GPM6A: variants seen among roughly 807,000 people sequenced by gnomAD.
The protein encoded by GPM6A is neuronal membrane glycoprotein M6-a.
GPM6A carries 7 observed loss-of-function variants against 32.1 expected under a neutral mutation model. The ratio of observed to expected loss-of-function variants is 0.22; its 90% confidence interval spans 0.12 to 0.41. The LOEUF (loss-of-function observed/expected upper bound fraction) is 0.41, where lower values mean the gene tolerates loss of function less well. GPM6A is among the 10% of genes least tolerant of loss of function. The pLI is 1.00. For synonymous variants in GPM6A, 130 were observed against 123.4 expected (o/e 1.05, Z -0.35); for missense variants, 235 against 347.2 (o/e 0.68, Z 2.57).
chr4:175,799,957 C>T (rs1284778017), intron 1 of GPM6A, among the ~76,000 whole-genome samples: 1 of 151,802 alleles, frequency 6.6e-6, no homozygotes, highest in Non-Finnish European at 1.5e-5. Flanking sequence ...GATAAGGATA[C>T]AATTCAGATA....
At chr4:175,812,693 G>A (rs774743748), upstream of GPM6A, 15 of 985,590 alleles carry the variant, frequency 1.5e-5, no homozygotes, top group South Asian at 4.2e-4. Flanking sequence ...CAGATGGAGG[G>A]GTGTCCTCCT....
At chr4:175,725,556 T>C (rs1333173849) in intron 1 of GPM6A, among the ~76,000 whole-genome samples, 1 of 152,162 alleles carries the variant, frequency 6.6e-6, no homozygotes, top group Non-Finnish European at 1.5e-5. Flanking sequence ...CCACCCAAAG[T>C]GCTGAGATTA....
chr4:175,644,210 G>A (rs111745859), intron 4 of GPM6A, among the ~76,000 whole-genome samples: 3 of 134,930 alleles, frequency 2.2e-5, no homozygotes, highest in East Asian at 5.1e-4. Context: ...TGCAAGCTCC[G>A]CTTCCCGGGT....
chr4:175,956,180 T>C (rs1402615580), intron 1 of GPM6A, among the ~76,000 whole-genome samples: 1 of 152,178 alleles, frequency 6.6e-6, no homozygotes, highest in Admixed American at 6.5e-5. Context: ...ATTCCTGTTC[T>C]AGAGGAGCCA....
chr4:175,784,946 G>C (rs566413555), intron 1 of GPM6A, among the ~76,000 whole-genome samples: 1 of 152,204 alleles, frequency 6.6e-6, no homozygotes, highest in East Asian at 1.9e-4. Context: ...ACCTACATTT[G>C]GTAATAGTCA....
At chr4:175,679,280 C>T (rs1743551131) in intron 2 of GPM6A, among the ~76,000 whole-genome samples, 1 of 152,074 alleles carries the variant, frequency 6.6e-6, no homozygotes, top group South Asian at 2.1e-4. Context: ...TCTGATGTTT[C>T]CTCATGGTTA....
intron 1 of GPM6A, among the ~76,000 whole-genome samples, chr4:175,791,254 T>G (rs1734003479): frequency 6.6e-6 from 1 of 152,188 alleles, no homozygotes; most frequent in African/African-American, 2.4e-5. Flanking sequence ...AAGATATTCT[T>G]GTTCTAGCAA....
At chr4:175,863,990 G>A (rs967480941) in intron 1 of GPM6A, among the ~76,000 whole-genome samples, 1 of 151,574 alleles carries the variant, frequency 6.6e-6, no homozygotes, top group Admixed American at 6.6e-5. Flanking sequence ...AACAGAGAGA[G>A]ACCCTGTCTC....
chr4:175,939,862 A>G (rs974691747), intron 1 of GPM6A, among the ~76,000 whole-genome samples: 1 of 152,148 alleles, frequency 6.6e-6, no homozygotes, highest in African/African-American at 2.4e-5. Context: ...AGCAAAAAAA[A>G]AAACCTGACA....
At chr4:175,948,408 CG>C (rs1482885349) in intron 1 of GPM6A, among the ~76,000 whole-genome samples, 1 of 152,126 alleles carries the variant, frequency 6.6e-6, no homozygotes, top group African/African-American at 2.4e-5. Context: ...GGAGGGCCCT[CG>C]CTGAGAACCT....
At chr4:175,637,567 TTA>T (rs1740800259) in intron 6 of GPM6A, among the ~76,000 whole-genome samples, 1 of 14,936 alleles carries the variant, frequency 6.7e-5, no homozygotes, top group East Asian at 3.1e-3. Context: ...TAAAAATATA[TTA>T]TATATTATAT....
At chr4:175,787,341 AGGTCT>A (rs1733842571) in intron 1 of GPM6A, 1 of 1,531,072 alleles carries the variant, frequency 6.5e-7, no homozygotes, top group Non-Finnish European at 8.8e-7. Flanking sequence ...CTTACCTTCC[AGGTCT>A]GTCATAAAAG....
At chr4:175,727,374 T>C (rs1731218286) in intron 1 of GPM6A, among the ~76,000 whole-genome samples, 1 of 152,108 alleles carries the variant, frequency 6.6e-6, no homozygotes, top group Non-Finnish European at 1.5e-5. Flanking sequence ...TCATCTAAAG[T>C]TGCAAATGGA....
intron 3 of GPM6A, among the ~76,000 whole-genome samples, chr4:175,659,506 ATAGT>A (rs980606514): frequency 6.6e-5 from 10 of 152,206 alleles, no homozygotes; most frequent in African/African-American, 2.4e-4. Flanking sequence ...TTTTTTAAAA[ATAGT>A]TAAGAGAAAA....
At chr4:175,991,819 G>A (rs990950212) in intron 1 of GPM6A, among the ~76,000 whole-genome samples, 2 of 151,940 alleles carry the variant, frequency 1.3e-5, no homozygotes, top group African/African-American at 4.8e-5. Context: ...ATTTGTTTCG[G>A]ATGTATAGAC....
Position 175,969,707 on chromosome 4 carries a change from C to T in GPM6A, c.-23+32602G>A, listed in dbSNP as rs374678752. The stretch of plus-strand genomic sequence containing the variant: ...GCCAGGGCAACAAAGCAAAACTCTG[C>T]TCAAATAATAAGAATAATAACAACA... On this transcript the variant is annotated intron_variant, in intron 1 of 7. Coordinates refer to the GPM6A transcript ENST00000280187. Among the ~76,000 whole-genome samples the T allele has an allele frequency of 5.9e-5, 9 of 152,090 alleles. No homozygotes were observed. The East Asian group carries it at 1.7e-3, about 30-fold the overall frequency.
intron 1 of GPM6A, among the ~76,000 whole-genome samples, chr4:175,958,466 C>A (rs1443707568): frequency 6.6e-6 from 1 of 152,168 alleles, no homozygotes; most frequent in Admixed American, 6.5e-5. Flanking sequence ...CCTTGAGAAC[C>A]ATAAAGCCAC....
At chr4:175,754,398 T>G (rs1299676283) in intron 1 of GPM6A, among the ~76,000 whole-genome samples, 1 of 151,974 alleles carries the variant, frequency 6.6e-6, no homozygotes, top group Admixed American at 6.6e-5. Flanking sequence ...AAGTAACTTC[T>G]CAGCAAAAAA....
chr4:175,767,053 G>A (rs939894337), intron 1 of GPM6A, among the ~76,000 whole-genome samples: 1 of 152,110 alleles, frequency 6.6e-6, no homozygotes, highest in African/African-American at 2.4e-5. Context: ...TTCAGGACAT[G>A]AAAGGGTATG....
Sources: gnomAD v4.1 joint callset for allele counts (sites outside exome capture counted in the v4.1 genomes callset) on GRCh38, gnomAD v4.1.1 for gene constraint, MANE v1.5 for transcripts, NCBI Gene and HGNC (gene_info 2026-07-23, HGNC 2026-07-21) for gene names.